The following CTNNA2 variants were observed in gnomAD, a reference collection of about 807,000 sequenced individuals.
CTNNA2 encodes the protein catenin alpha 2.
In CTNNA2, 42 loss-of-function variants were observed where a neutral mutation model predicts 101.0. That is an observed-to-expected ratio of 0.42 (90% CI 0.32 to 0.54). The LOEUF (loss-of-function observed/expected upper bound fraction) is 0.54. CTNNA2 is among the 20% of genes least tolerant of loss of function. The pLI is 0.14. For missense variants in CTNNA2, 871 were observed against 1,223.1 expected (o/e 0.71, Z 4.29); for synonymous variants, 450 against 456.4 (o/e 0.99, Z 0.18).
chr2:80,390,981 A>T (rs1346305868), intron 7 of CTNNA2, among the ~76,000 whole-genome samples: 1 of 151,982 alleles, frequency 6.6e-6, no homozygotes, highest in East Asian at 1.9e-4. Context: ...AATACAAAAA[A>T]ATTAGCTGGA....
chr2:79,925,005 G>A lies in CTNNA2; in HGVS notation c.1056+15208G>A, dbSNP rs374637591. Among the ~76,000 whole-genome samples, 23 of 152,092 alleles carry A rather than the reference G, an allele frequency of 1.5e-4. No homozygotes were observed. The East Asian group carries it at 3.9e-3, about 26-fold the overall frequency. On this transcript the variant is annotated intron_variant, in intron 7 of 18. Transcript: ENST00000402739. The stretch of plus-strand genomic sequence containing the variant: ...TTCCCCTTAGTGGCTGATAACAGTC[G>A]CACAAGTGATATCACAATATGATCC...
intron 6 of CTNNA2, among the ~76,000 whole-genome samples, chr2:79,890,829 A>C (rs1684247720): frequency 7.1e-6 from 1 of 140,298 alleles, no homozygotes; most frequent in Non-Finnish European, 1.5e-5. Context: ...ATAGGTGTTG[A>C]CAGACTCAGT....
chr2:79,493,921 A>C, intron 4 of CTNNA2: 1 of 152,282 alleles, frequency 6.6e-6, no homozygotes. Flanking sequence ...AAAACAATTA[A>C]AATAATAAGA....
At chr2:79,748,857 T>TA (rs1009477021) in intron 3 of CTNNA2, among the ~76,000 whole-genome samples, 25 of 151,994 alleles carry the variant, frequency 1.6e-4, no homozygotes, top group African/African-American at 5.8e-4. Context: ...CCTATATCTG[T>TA]AAAAAAATAC....
intron 9 of CTNNA2, among the ~76,000 whole-genome samples, chr2:80,421,133 A>G (rs1274684529): frequency 6.6e-6 from 1 of 152,162 alleles, no homozygotes; most frequent in Admixed American, 6.5e-5. Context: ...ATGGGTACAG[A>G]AGGAAGGGAA....
At chr2:80,575,789 T>C (rs80061427) in intron 13 of CTNNA2, among the ~76,000 whole-genome samples, 1,831 of 151,842 alleles carry the variant, frequency 0.012, 45 homozygotes, top group African/African-American at 0.041. Context: ...CACACACACA[T>C]ACACACACAC....
chr2:80,146,579 T>C (rs1255849634), intron 7 of CTNNA2, among the ~76,000 whole-genome samples: 1 of 152,130 alleles, frequency 6.6e-6, no homozygotes, highest in East Asian at 1.9e-4. Flanking sequence ...ACTTACTCTT[T>C]CTTGCTCTTA....
chr2:79,405,833 T>C (rs1678335285), intron 4 of CTNNA2, among the ~76,000 whole-genome samples: 1 of 151,962 alleles, frequency 6.6e-6, no homozygotes, highest in Middle Eastern at 3.2e-3. Context: ...AATAAATGAG[T>C]GTTGTTTTAT....
chr2:79,345,103 T>G (rs1467884560), intron 3 of CTNNA2, among the ~76,000 whole-genome samples: 19 of 45,508 alleles, frequency 4.2e-4, no homozygotes, highest in Non-Finnish European at 4.0e-4. Context: ...GAATGTGTTT[T>G]TTTTTAAAAA....
intron 4 of CTNNA2, among the ~76,000 whole-genome samples, chr2:79,480,582 A>G (rs553540339): frequency 1.1e-4 from 16 of 152,276 alleles, no homozygotes; most frequent in African/African-American, 3.8e-4. Flanking sequence ...TACATTTGTT[A>G]TCTTTTTTCT....
chr2:79,988,490 G>A (rs1308900215), intron 7 of CTNNA2, among the ~76,000 whole-genome samples: 5 of 146,464 alleles, frequency 3.4e-5, no homozygotes, highest in Non-Finnish European at 7.4e-5. Flanking sequence ...GTGTGTGTGT[G>A]TGTGTGTGTG....
At chr2:80,487,253 C>T (rs1188143260) in intron 9 of CTNNA2, among the ~76,000 whole-genome samples, 1 of 149,136 alleles carries the variant, frequency 6.7e-6, no homozygotes, top group Non-Finnish European at 1.5e-5. Flanking sequence ...TGCACTCCAG[C>T]CTGGGCGACA....
intron 9 of CTNNA2, among the ~76,000 whole-genome samples, chr2:80,432,966 A>G (rs1681678320): frequency 6.6e-6 from 1 of 152,180 alleles, no homozygotes; most frequent in African/African-American, 2.4e-5. Context: ...GTTTCTGCAC[A>G]GAGACTGGAG....
chr2:79,466,409 G>A (rs572816556), intron 4 of CTNNA2, among the ~76,000 whole-genome samples: 2 of 152,312 alleles, frequency 1.3e-5, no homozygotes, highest in East Asian at 3.9e-4. Context: ...GCCCACCACA[G>A]CTCAAGGAGG....
At chr2:80,605,878 A>G (rs1697960329) in intron 16 of CTNNA2, among the ~76,000 whole-genome samples, 1 of 151,952 alleles carries the variant, frequency 6.6e-6, no homozygotes, top group African/African-American at 2.4e-5. Flanking sequence ...TACAATTTGT[A>G]GGTGTTGAGT....
chr2:79,370,760 A>G (rs958820793), intron 3 of CTNNA2, among the ~76,000 whole-genome samples: 3 of 152,162 alleles, frequency 2.0e-5, no homozygotes, highest in Non-Finnish European at 2.9e-5. Context: ...TCATACCTCC[A>G]GGTTATAGTC....
chr2:79,884,266 A>G (rs1683667050), intron 6 of CTNNA2, among the ~76,000 whole-genome samples: 2 of 152,108 alleles, frequency 1.3e-5, no homozygotes, highest in African/African-American at 4.8e-5. Flanking sequence ...CATCTCCTCA[A>G]CCTACAGAAA....
At chr2:79,797,297 G>T (rs202083274) in intron 3 of CTNNA2, among the ~76,000 whole-genome samples, 1 of 152,050 alleles carries the variant, frequency 6.6e-6, no homozygotes, top group East Asian at 1.9e-4. Context: ...GCAGGCCCAG[G>T]TGGTCATCTA....
chr2:79,765,010 A>G (rs1673043177), intron 3 of CTNNA2, among the ~76,000 whole-genome samples: 1 of 152,184 alleles, frequency 6.6e-6, no homozygotes, highest in African/African-American at 2.4e-5. Flanking sequence ...TAGGGTTCAG[A>G]GGGAAAAAAT....
Sources: allele counts gnomAD v4.1 joint callset (sites outside exome capture counted in the v4.1 genomes callset), GRCh38; gene constraint gnomAD v4.1.1; transcripts MANE v1.5; gene names NCBI Gene and HGNC (gene_info 2026-07-23, HGNC 2026-07-21).